The following ARHGAP27 variants were observed in gnomAD, a reference collection of about 807,000 sequenced individuals.
ARHGAP27 encodes the protein rho GTPase-activating protein 27.
Under a neutral mutation model 102.0 loss-of-function variants are expected in ARHGAP27, and 53 were observed. The observed-to-expected ratio is 0.52, with a 90% CI of 0.42 to 0.65. ARHGAP27 has a LOEUF of 0.65. ARHGAP27 is among the 30% of genes least tolerant of loss of function. The probability of loss-of-function intolerance (pLI) is 0.00; values close to 1 mark genes in which losing one functional copy is unlikely to be tolerated. For missense variants in ARHGAP27, 1,117 were observed against 1,256.2 expected (o/e 0.89, Z 1.68); for synonymous variants, 525 against 542.8 (o/e 0.97, Z 0.46).
chr17:45,414,216 G>A (rs1234717381), intron 4 of ARHGAP27, among the ~76,000 whole-genome samples: 4 of 151,904 alleles, frequency 2.6e-5, no homozygotes, highest in African/African-American at 9.7e-5. Context: ...ATCACCTTCT[G>A]CCCTCCCCCT....
At chr17:45,396,382 T>C in intron 16 of ARHGAP27, 98 bp from the exon 17 acceptor site, 3 of 1,470,614 alleles carry the variant, frequency 2.0e-6, no homozygotes, top group African/African-American at 1.4e-5. Flanking sequence ...TCCCGTACTT[T>C]CCCCCTGGAC....
At chr17:45,414,212 T>C (rs1457509352) in intron 4 of ARHGAP27, among the ~76,000 whole-genome samples, 1 of 151,982 alleles carries the variant, frequency 6.6e-6, no homozygotes, top group African/African-American at 2.4e-5. Flanking sequence ...AATGATCACC[T>C]TCTGCCCTCC....
At chr17:45,398,093 G>C (rs763969649) in intron 12 of ARHGAP27, 46 bp from the exon 13 acceptor site, 9 of 1,520,276 alleles carry the variant, frequency 5.9e-6, no homozygotes, top group Admixed American at 1.7e-5. Flanking sequence ...CCCTGGGTCT[G>C]CCCTGGGGGT....
intron 12 of ARHGAP27, among the ~76,000 whole-genome samples, chr17:45,399,318 C>T (rs953931542): frequency 6.6e-6 from 1 of 152,140 alleles, no homozygotes; most frequent in African/African-American, 2.4e-5. Flanking sequence ...TGAGGCTGGG[C>T]GCAGTGGCTC....
intron 3 of ARHGAP27, among the ~76,000 whole-genome samples, chr17:45,431,067 A>G (rs1289552244): frequency 6.6e-6 from 1 of 151,624 alleles, no homozygotes; most frequent in Non-Finnish European, 1.5e-5. Flanking sequence ...CCCCCCGAGA[A>G]AGGCCCTGCC....
chr17:45,402,862 T>A, intron 11 of ARHGAP27, 44 bp from the exon 12 acceptor site: 2 of 1,497,150 alleles, frequency 1.3e-6, no homozygotes, highest in Non-Finnish European at 1.9e-6. Context: ...TCAGTTCAGA[T>A]GTGTCTGCTG....
Position 45,429,649 on chromosome 17 carries a change from G to C in ARHGAP27, c.631C>G (p.Pro211Ala). 6.3e-7 allele frequency: 1 copy of C among 1,580,852 alleles called. No individual in the cohort carries two copies. The highest frequency in any genetic ancestry group is 2.3e-5 in the East Asian group (1 of 43,134). Residue 211 changes from proline (P) to alanine (A), a missense_variant, in exon 4 of 20, where the codon CCG (proline) becomes GCG (alanine). Pro to Ala is a conservative substitution (Grantham distance 27). This residue lies in a region of ARHGAP27 where 610 missense variants were observed against 716.4 expected (regional missense o/e 0.85). Transcript: ENST00000685559. ...TGCTCTGCGCTCTCCTCCGGCGGCGGGACGTGCAAGTCCTGGATGACCTCG... is the reference window on the plus strand; with the variant it reads ...TGCTCTGCGCTCTCCTCCGGCGGCGCGACGTGCAAGTCCTGGATGACCTCG... ...VYEVIQDLHV[P>A]PPEESAEQVD...
At position 45,396,270 on chromosome 17, in the gene ARHGAP27, C is replaced by A; in HGVS notation, c.2188G>T (p.Gly730Trp). 6.2e-7 allele frequency: 1 copy of A among 1,612,650 alleles called. No homozygotes were observed. The highest frequency in any genetic ancestry group is 8.5e-7 in the Non-Finnish European group (1 of 1,179,452). ...AGGTTTCCACTGATGCGGTACAGCCCGTCGATGTCCAGCCCTGGGCCAGAG... is the reference window on the plus strand; with the variant it reads ...AGGTTTCCACTGATGCGGTACAGCCAGTCGATGTCCAGCCCTGGGCCAGAG... ...AVEARGLDID[G>W]LYRISGNLAT... Residue 730 changes from glycine to tryptophan, a missense_variant, in exon 17 of 20, where the codon GGG becomes TGG. Coordinates refer to ENST00000685559, the MANE Select transcript of ARHGAP27 (RefSeq NM_001282290.2).
chr17:45,402,761 G>C lies in ARHGAP27; in HGVS notation c.1696C>G (p.Leu566Val). ...EYTVELRGAT[L>V]SWAPKDKSSR... Reference sequence around the variant, plus strand: ...GATTTGTCTTTGGGGGCCCAGGAGAGAGTGGCCCCCCTCAGCTCCACTGTG... The same window carrying C: ...GATTTGTCTTTGGGGGCCCAGGAGACAGTGGCCCCCCTCAGCTCCACTGTG... The change falls in exon 12 of 20, where the codon CTC becomes GTC. Residue 566 changes from leucine (L) to valine (V), a missense_variant. Coordinates refer to ENST00000685559, the MANE Select transcript of ARHGAP27 (RefSeq NM_001282290.2). 6.2e-7 allele frequency: 1 copy of C among 1,613,304 alleles called. No individual in the cohort carries two copies. Among genetic ancestry groups the C allele is most frequent in the Non-Finnish European group, 8.5e-7 (1 of 1,179,578 alleles).
intron 4 of ARHGAP27, among the ~76,000 whole-genome samples, chr17:45,412,138 A>T (rs2047982603): frequency 6.6e-6 from 1 of 152,154 alleles, no homozygotes; most frequent in Non-Finnish European, 1.5e-5. Flanking sequence ...GGCCCCCATG[A>T]TGGGGGTCTC....
chr17:45,410,152 C>G (rs949879587), intron 4 of ARHGAP27: 12 of 1,483,538 alleles, frequency 8.1e-6, no homozygotes, highest in Middle Eastern at 3.4e-4. Flanking sequence ...GCTCCCTGCT[C>G]TAAGCCCCAG....
intron 8 of ARHGAP27, 32 bp downstream of exon 8, chr17:45,404,413 T>C: frequency 1.2e-6 from 2 of 1,613,854 alleles, no homozygotes; most frequent in South Asian, 1.1e-5. Flanking sequence ...TCTGTGGTGG[T>C]CCTGCCAGGA....
Position 45,404,954 on chromosome 17 carries a change from C to T in ARHGAP27, c.1218G>A (p.Met406Ile). ...WSCHVSQDKQ[M>I]LYTNHFTQEQ... ...CCTGAGTGAAGTGGTTGGTGTAGAG[C>T]ATCTGCTTGTCCTGGCTGACATGAC... The change falls in exon 6 of 20, where the codon ATG becomes ATA. Residue 406 changes from methionine to isoleucine, a missense_variant. Physicochemically the swap from Met to Ile is conservative, Grantham distance 10. Coordinates refer to ENST00000685559, the MANE Select transcript of ARHGAP27 (RefSeq NM_001282290.2). 6.2e-7 allele frequency: 1 copy of T among 1,614,106 alleles called. No homozygotes were observed. The highest frequency in any genetic ancestry group is 2.2e-5 in the East Asian group (1 of 44,876).
chr17:45,395,664 C>G, intron 19 of ARHGAP27, 31 bp from the exon 20 acceptor site: 1 of 1,535,092 alleles, frequency 6.5e-7, no homozygotes, highest in Non-Finnish European at 8.9e-7. Flanking sequence ...TTCAGGGCTC[C>G]GAACTGCGAA....
intron 12 of ARHGAP27, among the ~76,000 whole-genome samples, chr17:45,398,712 C>T (rs942394642): frequency 4.7e-5 from 7 of 148,980 alleles, no homozygotes; most frequent in East Asian, 2.0e-4. Flanking sequence ...TCACCCTGGG[C>T]GACAGAGCAA....
intron 4 of ARHGAP27, among the ~76,000 whole-genome samples, chr17:45,415,520 T>G (rs1184876829): frequency 6.6e-6 from 1 of 152,198 alleles, no homozygotes; most frequent in Non-Finnish European, 1.5e-5. Context: ...TTTGTACATG[T>G]CGAAAACCGT....
chr17:45,404,346 G>A lies in ARHGAP27; in HGVS notation c.1414-12C>T, dbSNP rs1243683726. 6.2e-7 allele frequency: 1 copy of A among 1,613,988 alleles called. No individual in the cohort carries two copies. The highest frequency in any genetic ancestry group is 1.1e-5 in the South Asian group (1 of 91,076). ...AGCTCTGCTGGGACCTATGGGGGAA[G>A]ACAGATAGATCCCACCAAGTCCCTC... On this transcript the variant is annotated splice_polypyrimidine_tract_variant and intron_variant, in intron 8 of 19. Coordinates refer to ENST00000685559, the MANE Select transcript of ARHGAP27 (RefSeq NM_001282290.2).
chr17:45,420,851 G>A (rs1447169703), intron 4 of ARHGAP27, among the ~76,000 whole-genome samples: 1 of 151,090 alleles, frequency 6.6e-6, no homozygotes, highest in Admixed American at 6.6e-5. Flanking sequence ...CTACTCAGGA[G>A]GCTGAGGCAG....
chr17:45,397,293 A>T (rs1254915252), intron 13 of ARHGAP27: 1 of 1,339,350 alleles, frequency 7.5e-7, no homozygotes, highest in Non-Finnish European at 9.5e-7. Flanking sequence ...ACTCCTACCC[A>T]CCTGGTGCCT....
Sources: gnomAD v4.1 joint callset for allele counts (sites outside exome capture counted in the v4.1 genomes callset) on GRCh38, gnomAD v4.1.1 for gene constraint, gnomAD v4.1.1 regional missense constraint, MANE v1.5 for transcripts, NCBI Gene and HGNC (gene_info 2026-07-23, HGNC 2026-07-21) for gene names.